The following GLMN variants were observed in gnomAD, a reference collection of about 807,000 sequenced individuals.
The protein encoded by GLMN is glomulin, FKBP associated protein.
GLMN carries 75 observed loss-of-function variants against 87.8 expected under a neutral mutation model. The observed-to-expected ratio is 0.85, with a 90% CI of 0.71 to 1.04. GLMN has a LOEUF of 1.04. GLMN is among the 50% of genes least tolerant of loss of function. The pLI is 0.00. For synonymous variants in GLMN, 206 were observed against 221.6 expected (o/e 0.93, Z 0.63); for missense variants, 588 against 658.8 (o/e 0.89, Z 1.18).
At chr1:92,364,025 T>A in the GLMN span, among the ~76,000 whole-genome samples, 1 of 152,042 alleles carries the variant, frequency 6.6e-6, no homozygotes, top group Non-Finnish European at 1.5e-5. Context: ...AGGGGGTCAG[T>A]GTCCCTAATG....
At chr1:92,356,585 A>ATTGTTTT in the GLMN span, among the ~76,000 whole-genome samples, 1 of 51,784 alleles carries the variant, frequency 1.9e-5, no homozygotes. Flanking sequence ...CTCCTGGCTA[A>ATTGTTTT]TTTTTTTTTT....
At chr1:92,276,698 G>A (rs1279666463) in intron 7 of GLMN, among the ~76,000 whole-genome samples, 1 of 152,132 alleles carries the variant, frequency 6.6e-6, no homozygotes, top group Non-Finnish European at 1.5e-5. Context: ...AATCTTGTTA[G>A]GTGTCATAAT....
chr1:92,247,425 C>T (rs1348172338), intron 17 of GLMN, among the ~76,000 whole-genome samples: 1 of 152,024 alleles, frequency 6.6e-6, no homozygotes, highest in Admixed American at 6.6e-5. Flanking sequence ...GAATTATAGC[C>T]ATTATACTAA....
the GLMN span, among the ~76,000 whole-genome samples, chr1:92,317,748 T>TTTTCCC: frequency 6.6e-6 from 1 of 152,198 alleles, no homozygotes; most frequent in Non-Finnish European, 1.5e-5. Flanking sequence ...ATGCCTACCT[T>TTTTCCC]ATGCTTTTTC....
chr1:92,350,061 A>G, the GLMN span, among the ~76,000 whole-genome samples: 8 of 152,238 alleles, frequency 5.3e-5, no homozygotes, highest in African/African-American at 1.9e-4. Flanking sequence ...AATGCATCCC[A>G]TATGAAAATA....
At chr1:92,300,323 CT>C (rs565648906), upstream of GLMN, 44,451 of 762,166 alleles carry the variant, frequency 0.058, 10 homozygotes, top group South Asian at 0.091. Flanking sequence ...TAATGGTTAC[CT>C]TTTTTTTTTT....
chr1:92,284,246 C>T (rs1325323445), intron 7 of GLMN, among the ~76,000 whole-genome samples: 1 of 152,196 alleles, frequency 6.6e-6, no homozygotes, highest in Non-Finnish European at 1.5e-5. Flanking sequence ...GTAACCAAAA[C>T]AGATTGGTAC....
the GLMN span, among the ~76,000 whole-genome samples, chr1:92,339,845 T>A: frequency 6.6e-6 from 1 of 152,174 alleles, no homozygotes; most frequent in East Asian, 1.9e-4. Context: ...CATTCCTATT[T>A]TCTGGCTCTA....
chr1:92,350,430 T>C, the GLMN span, among the ~76,000 whole-genome samples: 1 of 152,214 alleles, frequency 6.6e-6, no homozygotes, highest in Non-Finnish European at 1.5e-5. Context: ...CTCAGATTTA[T>C]TGCTTAAGTA....
Position 92,262,862 on chromosome 1 carries a change from C to T in GLMN, c.1473+1G>A. The T allele has an allele frequency of 1.8e-6, 2 of 1,095,292 alleles. No homozygotes were observed. The highest frequency in any genetic ancestry group is 1.2e-5 in the South Asian group (1 of 80,696). The allele number at this position is 1,095,292 out of a possible 1,614,324, so 67.8% of individuals were successfully genotyped here. A position where few individuals can be genotyped will look rare whatever the true frequency, so the allele number is the denominator to read the frequency against. ...AGTTTCTTTTCAAATACTTCACTTA[C>T]TTGATTGTCATTTTCATTATCTTTG... On this transcript the variant is annotated splice_donor_variant, in intron 16 of 18. Transcript: ENST00000370360. LOFTEE classifies it high-confidence loss of function.
At chr1:92,272,686 A>C (rs373343671) in intron 7 of GLMN, among the ~76,000 whole-genome samples, 13 of 152,140 alleles carry the variant, frequency 8.5e-5, no homozygotes, top group African/African-American at 3.1e-4. Context: ...CTGAGGAAAC[A>C]CTGTTGATCT....
At chr1:92,251,063 G>T (rs116282949) in intron 16 of GLMN, among the ~76,000 whole-genome samples, 5 of 151,944 alleles carry the variant, frequency 3.3e-5, no homozygotes, top group Non-Finnish European at 5.9e-5. Context: ...GCCATAAGTG[G>T]AATTAAAACT....
the GLMN span, chr1:92,323,462 A>T: frequency 2.5e-6 from 4 of 1,590,792 alleles, no homozygotes; most frequent in Admixed American, 3.6e-5. Flanking sequence ...TCTGGAGAAG[A>T]AGTACAGTTA....
rs773060450 is a variant in GLMN at position 92,271,540 on chromosome 1, GCTAA to G, written c.844_847del (p.Leu282GlnfsTer10). ...ATATGCCAGAGAAGCCATTGAGTCT[GCTAA>G]CTGTTTATTTTCTTCTTCTTCAAAT... On this transcript the variant is annotated frameshift_variant, in exon 8 of 19. Transcript: ENST00000370360. LOFTEE classifies it high-confidence loss of function. 44 of 1,611,552 alleles carry G rather than the reference GCTAA, an allele frequency of 2.7e-5. No homozygotes were observed. The highest frequency in any genetic ancestry group is 1.6e-4 in the Middle Eastern group (1 of 6,074).
intron 16 of GLMN, among the ~76,000 whole-genome samples, chr1:92,250,254 T>C (rs1346138005): frequency 6.6e-6 from 1 of 152,060 alleles, no homozygotes; most frequent in East Asian, 1.9e-4. Context: ...GAGGTAGCCA[T>C]TATCTAAAAC....
rs184877675 is a variant in GLMN at position 92,279,713 on chromosome 1, G to A, written c.735+6777C>T. 7.2e-5 allele frequency among the ~76,000 whole-genome samples: 11 copies of A among 152,302 alleles called. No individual in the cohort carries two copies. The East Asian group carries it at 1.2e-3, about 16-fold the overall frequency. ...TTCCCCTTCCTAGCCAAGGGAAGCC[G>A]TGACAGACTGTTTCTGGAGAAACAG... On this transcript the variant is annotated intron_variant, in intron 7 of 18. Transcript: ENST00000370360.
intron 8 of GLMN, among the ~76,000 whole-genome samples, chr1:92,270,280 TAA>T (rs1223400360): frequency 6.6e-6 from 1 of 152,222 alleles, no homozygotes; most frequent in Non-Finnish European, 1.5e-5. Flanking sequence ...ATATGCTGTA[TAA>T]GTTATTTTGG....
At chr1:92,366,151 G>A in the GLMN span, among the ~76,000 whole-genome samples, 2 of 152,120 alleles carry the variant, frequency 1.3e-5, no homozygotes, top group African/African-American at 2.4e-5. Context: ...GTATCTGAAT[G>A]TTTTAGCCGG....
the GLMN span, among the ~76,000 whole-genome samples, chr1:92,309,324 C>G: frequency 2.0e-5 from 3 of 151,840 alleles, no homozygotes; most frequent in Non-Finnish European, 2.9e-5. Context: ...TGCCTGTAGT[C>G]TCAGCTACTC....
Sources: gnomAD v4.1 joint callset for allele counts (sites outside exome capture counted in the v4.1 genomes callset) on GRCh38, gnomAD v4.1.1 for gene constraint, MANE v1.5 for transcripts, NCBI Gene and HGNC (gene_info 2026-07-23, HGNC 2026-07-21) for gene names.